Variants in FGGY observed in about 807,000 individuals in gnomAD.
The protein encoded by FGGY is FGGY carbohydrate kinase domain containing, also known as FGGY carbohydrate kinase domain-containing protein.
A neutral mutation model predicts 71.3 loss-of-function variants in FGGY; 72 were observed. The ratio of observed to expected loss-of-function variants is 1.01; its 90% confidence interval spans 0.84 to 1.23. FGGY has a LOEUF of 1.23. FGGY is among the 50% of genes most tolerant of loss of function. The pLI is 0.00. For missense variants in FGGY, 668 were observed against 682.3 expected, an observed-to-expected ratio of 0.98 and a Z score of 0.23; for synonymous variants, 251 against 250.3, an observed-to-expected ratio of 1.00 and a Z score of -0.02.
chr1:59,517,254 C>CTTTTTTT (rs57951011), intron 7 of FGGY, among the ~76,000 whole-genome samples: 3 of 87,656 alleles, frequency 3.4e-5, no homozygotes, highest in Admixed American at 1.4e-4. Context: ...CTCAGTTGCT[C>CTTTTTTT]TTTTTTTTTT....
intron 10 of FGGY, among the ~76,000 whole-genome samples, chr1:59,627,766 C>T (rs1364676835): frequency 6.6e-6 from 1 of 151,956 alleles, no homozygotes; most frequent in Non-Finnish European, 1.5e-5. Context: ...AAAAAAGTTA[C>T]TCAACAAGGA....
intron 12 of FGGY, among the ~76,000 whole-genome samples, chr1:59,666,330 C>T (rs574524760): frequency 2.0e-5 from 3 of 152,338 alleles, no homozygotes; most frequent in Non-Finnish European, 4.4e-5. Flanking sequence ...TCTGGAGCCC[C>T]TTTCTCAAAC....
At chr1:59,668,991 CAA>C (rs33999903) in intron 13 of FGGY, among the ~76,000 whole-genome samples, 6 of 37,114 alleles carry the variant, frequency 1.6e-4, no homozygotes, top group African/African-American at 2.6e-4. Flanking sequence ...AACTCCATCT[CAA>C]AAAAAAAAAA....
intron 8 of FGGY, among the ~76,000 whole-genome samples, chr1:59,575,250 A>T (rs1230046817): frequency 1.3e-5 from 2 of 152,174 alleles, no homozygotes; most frequent in Non-Finnish European, 2.9e-5. Flanking sequence ...AATTTGGCCA[A>T]CATCTCTGCT....
intron 8 of FGGY, among the ~76,000 whole-genome samples, chr1:59,593,051 T>C (rs1235336287): frequency 1.3e-5 from 2 of 152,224 alleles, no homozygotes; most frequent in East Asian, 1.9e-4. Context: ...AAACCACACA[T>C]ATACACCCTG....
chr1:59,398,807 G>C (rs937899335), intron 5 of FGGY, among the ~76,000 whole-genome samples: 4 of 152,178 alleles, frequency 2.6e-5, no homozygotes, highest in African/African-American at 9.7e-5. Flanking sequence ...ACTTGGTCAT[G>C]TCTTTGCAAA....
intron 14 of FGGY, among the ~76,000 whole-genome samples, chr1:59,712,234 ACACT>A (rs1427370750): frequency 6.6e-6 from 1 of 152,216 alleles, no homozygotes; most frequent in African/African-American, 2.4e-5. Flanking sequence ...CATCCAGGTC[ACACT>A]CATGCAAGAT....
At chr1:59,530,032 A>G (rs1171799681) in intron 7 of FGGY, among the ~76,000 whole-genome samples, 1 of 152,208 alleles carries the variant, frequency 6.6e-6, no homozygotes, top group Non-Finnish European at 1.5e-5. Flanking sequence ...GATAATAATA[A>G]CTTGTTAACT....
chr1:59,553,311 A>G (rs914341425), intron 7 of FGGY, among the ~76,000 whole-genome samples: 1 of 152,146 alleles, frequency 6.6e-6, no homozygotes, highest in Admixed American at 6.5e-5. Flanking sequence ...CCTAGTATAT[A>G]TCGTTTTGTG....
chr1:59,667,239 C>T, intron 12 of FGGY, 44 bp from the exon 13 acceptor site: 1 of 1,612,576 alleles, frequency 6.2e-7, no homozygotes, highest in Non-Finnish European at 8.5e-7. Context: ...CTAGTGTTTA[C>T]TTTTGTGACT....
At chr1:59,751,419 C>T (rs2098244410) in intron 14 of FGGY, among the ~76,000 whole-genome samples, 1 of 152,148 alleles carries the variant, frequency 6.6e-6, no homozygotes, top group African/African-American at 2.4e-5. Context: ...ATCCTCAGTA[C>T]ATGAAAACCT....
At chr1:59,640,429 T>A (rs1462669757) in intron 11 of FGGY, among the ~76,000 whole-genome samples, 2 of 152,224 alleles carry the variant, frequency 1.3e-5, no homozygotes, top group African/African-American at 4.8e-5. Context: ...TTAATTGGGT[T>A]CCTATTGTAT....
intron 8 of FGGY, among the ~76,000 whole-genome samples, chr1:59,575,799 G>A (rs776008333): frequency 4.6e-5 from 7 of 152,044 alleles, no homozygotes; most frequent in Admixed American, 6.6e-5. Context: ...TGCTCTGCAT[G>A]CATTATAAAT....
intron 12 of FGGY, among the ~76,000 whole-genome samples, chr1:59,662,136 A>G (rs2097280995): frequency 6.7e-6 from 1 of 149,318 alleles, no homozygotes; most frequent in South Asian, 2.2e-4. Context: ...CCCGGCTAAC[A>G]TGGTGAAACC....
intron 14 of FGGY, among the ~76,000 whole-genome samples, chr1:59,737,953 G>A (rs2098119156): frequency 6.6e-6 from 1 of 152,094 alleles, no homozygotes; most frequent in African/African-American, 2.4e-5. Context: ...GAATCATGGG[G>A]GCGAGAGCAA....
intron 2 of FGGY, among the ~76,000 whole-genome samples, chr1:59,336,069 G>A (rs563239318): frequency 6.6e-6 from 1 of 152,054 alleles, no homozygotes; most frequent in East Asian, 1.9e-4. Flanking sequence ...TCTAATGCAA[G>A]GTTGCAACAA....
intron 6 of FGGY, among the ~76,000 whole-genome samples, chr1:59,492,357 C>A (rs2093892320): frequency 6.6e-6 from 1 of 152,132 alleles, no homozygotes; most frequent in South Asian, 2.1e-4. Context: ...TGACTGGGAA[C>A]TCTATACATG....
chr1:59,577,058 A>G (rs1315178991), intron 8 of FGGY, among the ~76,000 whole-genome samples: 1 of 152,200 alleles, frequency 6.6e-6, no homozygotes, highest in African/African-American at 2.4e-5. Flanking sequence ...CTTTTTAAGC[A>G]TGAGCCAAAA....
intron 5 of FGGY, among the ~76,000 whole-genome samples, chr1:59,422,228 A>G (rs1403723160): frequency 6.6e-6 from 1 of 152,232 alleles, no homozygotes; most frequent in Non-Finnish European, 1.5e-5. Flanking sequence ...TAATTTTATC[A>G]GGTTTCTACA....
Sources: allele counts gnomAD v4.1 joint callset (sites outside exome capture counted in the v4.1 genomes callset), GRCh38; gene constraint gnomAD v4.1.1; transcripts MANE v1.5; gene names NCBI Gene and HGNC (gene_info 2026-07-23, HGNC 2026-07-21).